Variants in CRY1 observed in about 807,000 individuals in gnomAD.
CRY1 encodes the protein cryptochrome-1.
CRY1 carries 45 observed loss-of-function variants against 76.0 expected under a neutral mutation model. The observed-to-expected ratio is 0.59, with a 90% CI of 0.47 to 0.76. The LOEUF (loss-of-function observed/expected upper bound fraction) is 0.76. Ranked by LOEUF, CRY1 falls within the 30% of genes least tolerant of loss-of-function variation. CRY1 has a pLI of 0.00. For synonymous variants in CRY1, 248 were observed against 244.0 expected, an observed-to-expected ratio of 1.02 and a Z score of -0.15; for missense variants, 587 against 716.4, an observed-to-expected ratio of 0.82 and a Z score of 2.06.
intron 2 of CRY1, among the ~76,000 whole-genome samples, chr12:107,005,688 T>C (rs1952365401): frequency 6.6e-6 from 1 of 152,212 alleles, no homozygotes; most frequent in Non-Finnish European, 1.5e-5. Context: ...TTTATGTCTG[T>C]TGAGTCTAAG....
chr12:107,015,100 A>ACTCC (rs1407859813), intron 2 of CRY1, among the ~76,000 whole-genome samples: 2 of 151,816 alleles, frequency 1.3e-5, no homozygotes, highest in African/African-American at 4.8e-5. Flanking sequence ...CTGGTCTTGC[A>ACTCC]CTCCCGACCT....
At chr12:107,043,030 C>T (rs1053323401) in intron 1 of CRY1, 1 of 152,158 alleles carries the variant, frequency 6.6e-6, no homozygotes, top group Non-Finnish European at 1.5e-5. Flanking sequence ...GGCTACTACG[C>T]TATGCCATCG....
At chr12:106,993,847 C>T (rs2136815828) in intron 10 of CRY1, among the ~76,000 whole-genome samples, 1 of 152,008 alleles carries the variant, frequency 6.6e-6, no homozygotes, top group East Asian at 1.9e-4. Context: ...ATAAAAAAAC[C>T]TAAAAGTTAA....
At chr12:107,066,616 C>T (rs984539783) in intron 1 of CRY1, among the ~76,000 whole-genome samples, 2 of 152,022 alleles carry the variant, frequency 1.3e-5, no homozygotes, top group Non-Finnish European at 2.9e-5. Flanking sequence ...CAGACATGTG[C>T]CAACACATCT....
chr12:107,016,364 A>C (rs1254552221), intron 2 of CRY1, among the ~76,000 whole-genome samples: 1 of 152,142 alleles, frequency 6.6e-6, no homozygotes, highest in East Asian at 1.9e-4. Context: ...ACTCCCAAAC[A>C]ATTTTAAAAA....
intron 1 of CRY1, among the ~76,000 whole-genome samples, chr12:107,054,103 ATAG>A (rs748210752): frequency 5.3e-5 from 8 of 152,218 alleles, no homozygotes; most frequent in Non-Finnish European, 7.3e-5. Context: ...AACATTGTAA[ATAG>A]TAGATATGTG....
chr12:107,071,047 T>C (rs902590997), intron 1 of CRY1, among the ~76,000 whole-genome samples: 1 of 152,082 alleles, frequency 6.6e-6, no homozygotes, highest in Non-Finnish European at 1.5e-5. Context: ...TTGATTCTCC[T>C]AGATATTTTG....
chr12:106,997,452 C>T (rs1952245712), intron 9 of CRY1, 36 bp downstream of exon 9: 1 of 1,613,012 alleles, frequency 6.2e-7, no homozygotes, highest in African/African-American at 1.3e-5. Flanking sequence ...AGTACATAAA[C>T]AGCTGCCAAA....
intron 1 of CRY1, among the ~76,000 whole-genome samples, chr12:107,055,736 G>A (rs2136879436): frequency 6.6e-6 from 1 of 152,020 alleles, no homozygotes; most frequent in East Asian, 1.9e-4. Flanking sequence ...AGGTTTGGGT[G>A]TAATTGCTCA....
intron 1 of CRY1, among the ~76,000 whole-genome samples, chr12:107,075,057 G>C (rs889501889): frequency 1.3e-5 from 2 of 151,898 alleles, no homozygotes; most frequent in Non-Finnish European, 2.9e-5. Context: ...AACTACTAGT[G>C]ATCTCCAATT....
At chr12:107,092,693 T>A (rs1053243441) in intron 1 of CRY1, 111 bp downstream of exon 1, 1 of 1,479,122 alleles carries the variant, frequency 6.8e-7, no homozygotes, top group Non-Finnish European at 9.2e-7. Flanking sequence ...GTAAGCGGTA[T>A]AAGCAAGACA....
rs747364211 is a variant in CRY1, at chr12:106,999,942, C to T, written c.825G>A (p.Lys275=). 6.3e-7 allele frequency: 1 copy of T among 1,595,832 alleles called. No homozygotes were observed. Among genetic ancestry groups the T allele is most frequent in the Admixed American group, 1.8e-5 (1 of 54,400 alleles). Residue 275 remains lysine (K), a splice_region_variant and synonymous_variant, in exon 6 of 13, where the codon AAG becomes AAA. Coordinates refer to ENST00000008527, the MANE Select transcript of CRY1 (RefSeq NM_004075.5). ...FYFKLTDLYK[K]VKKNSSPPLS... ...AATAAGCTCTAATTTTAGAGAATAC[C>T]TTTTTGTAGAGATCTGTTAGTTTGA... is the stretch of plus-strand genomic sequence containing the variant.
Position 107,019,202 on chromosome 12 carries a change from T to C in CRY1, c.267+2882A>G, listed in dbSNP as rs374347181. On this transcript the variant is annotated intron_variant, in intron 2 of 12. Coordinates refer to ENST00000008527, the MANE Select transcript of CRY1 (RefSeq NM_004075.5). ...GTGGGGGACAACATGCTTTTAATTG[T>C]ATATCCTTTTAGCCTTTTTTTTTTA... is the stretch of plus-strand genomic sequence containing the variant. Among the ~76,000 whole-genome samples, 32 of 152,070 alleles carry C rather than the reference T, an allele frequency of 2.1e-4. No individual in the cohort carries two copies. In the East Asian group the frequency reaches 6.2e-3, roughly 29 times the overall value.
Position 107,093,262 on chromosome 12 carries a change from G to A in CRY1, c.-301C>T, listed in dbSNP as rs1390768086. The A allele has an allele frequency of 1.5e-5, 5 of 325,580 alleles. No homozygotes were observed. Among genetic ancestry groups the A allele is most frequent in the Non-Finnish European group, 2.8e-5 (5 of 177,834 alleles). The allele number at this position is 325,580 out of a possible 1,614,324, so 20.2% of individuals were successfully genotyped here. Reference sequence around the variant, plus strand: ...ATAACTTCGAGGGCCTCGGACCTCCGGAGCCTGAGCAAGTTCCAGGAGCTC... The same window carrying A: ...ATAACTTCGAGGGCCTCGGACCTCCAGAGCCTGAGCAAGTTCCAGGAGCTC... On this transcript the variant is annotated 5_prime_UTR_variant, in exon 1 of 13. Transcript: ENST00000008527.
chr12:107,065,169 G>A (rs372288440), intron 1 of CRY1, among the ~76,000 whole-genome samples: 9 of 152,078 alleles, frequency 5.9e-5, no homozygotes, highest in Admixed American at 2.0e-4. Flanking sequence ...GGTGGCACGC[G>A]TCTGCAATTC....
intron 2 of CRY1, among the ~76,000 whole-genome samples, chr12:107,009,567 T>A (rs372610128): frequency 0.51 from 41,428 of 81,260 alleles, 8,277 homozygotes; most frequent in East Asian, 0.7. Flanking sequence ...AAAAAACATA[T>A]ATATATATAT....
chr12:107,050,542 C>T (rs555433311), intron 1 of CRY1, among the ~76,000 whole-genome samples: 1 of 152,314 alleles, frequency 6.6e-6, no homozygotes, highest in African/African-American at 2.4e-5. Flanking sequence ...GATTCTCCTG[C>T]TTCCCTTTCA....
chr12:107,039,473 A>C (rs1952772709), intron 1 of CRY1, among the ~76,000 whole-genome samples: 1 of 152,220 alleles, frequency 6.6e-6, no homozygotes, highest in South Asian at 2.1e-4. Context: ...CCTGCAACTC[A>C]ATAACAGAAA....
intron 1 of CRY1, among the ~76,000 whole-genome samples, chr12:107,040,018 T>C (rs1364776777): frequency 6.6e-6 from 1 of 152,162 alleles, no homozygotes; most frequent in Admixed American, 6.5e-5. Context: ...TATTTGGCTA[T>C]TAAAAAGAAG....
Sources: gnomAD v4.1 joint callset for allele counts (sites outside exome capture counted in the v4.1 genomes callset) on GRCh38, gnomAD v4.1.1 for gene constraint, MANE v1.5 for transcripts, NCBI Gene and HGNC (gene_info 2026-07-23, HGNC 2026-07-21) for gene names.